The following DIP2C variants were observed in gnomAD, a reference collection of about 807,000 sequenced individuals.
DIP2C encodes the protein disco-interacting protein 2 homolog C.
Under a neutral mutation model 192.4 loss-of-function variants are expected in DIP2C, and 33 were observed. That is an observed-to-expected ratio of 0.17 (90% CI 0.13 to 0.23). The LOEUF (loss-of-function observed/expected upper bound fraction) is 0.23. Ranked by LOEUF, DIP2C falls within the 10% of genes least tolerant of loss-of-function variation. DIP2C has a pLI of 1.00. For missense variants in DIP2C, 1,537 were observed against 2,110.1 expected (o/e 0.73, Z 5.32); for synonymous variants, 979 against 864.1 (o/e 1.13, Z -2.33).
chr10:530,221 AAC>A (rs1184006193), intron 1 of DIP2C, among the ~76,000 whole-genome samples: 1 of 152,212 alleles, frequency 6.6e-6, no homozygotes, highest in Admixed American at 6.5e-5. Flanking sequence ...GTCAGCAACT[AAC>A]ACATTTCCCA....
At chr10:567,953 G>A (rs969738716) in intron 1 of DIP2C, among the ~76,000 whole-genome samples, 1 of 152,192 alleles carries the variant, frequency 6.6e-6, no homozygotes, top group Admixed American at 6.5e-5. Context: ...TAGAGGCTGA[G>A]GGGAGGCTCC....
At chr10:347,577 A>C (rs1958556876) in intron 26 of DIP2C, among the ~76,000 whole-genome samples, 1 of 137,578 alleles carries the variant, frequency 7.3e-6, no homozygotes, top group Non-Finnish European at 1.5e-5. Flanking sequence ...CCCCACACGC[A>C]CCCAGACACA....
intron 1 of DIP2C, among the ~76,000 whole-genome samples, chr10:601,174 T>C (rs149741522): frequency 2.5e-4 from 38 of 151,970 alleles, no homozygotes; most frequent in South Asian, 1.0e-3. Context: ...ACTGTAGAGG[T>C]TTTAATTATA....
At chr10:670,589 G>T (rs559862427) in intron 1 of DIP2C, among the ~76,000 whole-genome samples, 2 of 152,102 alleles carry the variant, frequency 1.3e-5, no homozygotes, top group African/African-American at 4.8e-5. Context: ...GCCAACATCG[G>T]CCTGGATTAA....
chr10:536,861 C>CA (rs1159073553), intron 1 of DIP2C, among the ~76,000 whole-genome samples: 2 of 152,226 alleles, frequency 1.3e-5, no homozygotes, highest in Non-Finnish European at 2.9e-5. Flanking sequence ...CTTGACCCCC[C>CA]AGTTCTGTGT....
At chr10:688,830 G>A (rs1408722253) in intron 1 of DIP2C, among the ~76,000 whole-genome samples, 1 of 152,234 alleles carries the variant, frequency 6.6e-6, no homozygotes. Context: ...GCCGGAGCCC[G>A]GCCCGGGGGG....
intron 3 of DIP2C, among the ~76,000 whole-genome samples, chr10:470,329 TG>T (rs1970528951): frequency 6.6e-6 from 1 of 152,202 alleles, no homozygotes; most frequent in Non-Finnish European, 1.5e-5. Flanking sequence ...CTTCTCACGT[TG>T]GGTCTAGCTT....
intron 1 of DIP2C, among the ~76,000 whole-genome samples, chr10:551,262 C>T (rs544313643): frequency 6.6e-6 from 1 of 152,336 alleles, no homozygotes; most frequent in East Asian, 1.9e-4. Flanking sequence ...CCCCCTCCTC[C>T]CCACAGCCCT....
At chr10:400,975 G>A (rs539376701) in intron 9 of DIP2C, among the ~76,000 whole-genome samples, 3 of 138,226 alleles carry the variant, frequency 2.2e-5, no homozygotes, top group African/African-American at 8.4e-5. Flanking sequence ...TCTTCCTTAT[G>A]GACAAGTTTG....
Position 636,646 on chromosome 10 carries a change from C to A in DIP2C, c.85+52848G>T, listed in dbSNP as rs1321075459. Among the ~76,000 whole-genome samples the A allele has an allele frequency of 1.3e-5, 2 of 152,200 alleles. No homozygotes were observed. Among genetic ancestry groups the A allele is most frequent in the African/African-American group, 4.8e-5 (2 of 41,434 alleles). On this transcript the variant is annotated intron_variant, in intron 1 of 36. Coordinates refer to ENST00000280886, the MANE Select transcript of DIP2C (RefSeq NM_014974.3). The surrounding 1 kb of genome is among the most constrained non-coding windows in gnomAD (Gnocchi z 4.6). ...CCCGAAAACGTCTTTTCTATCTGGG[C>A]CACACACTGCGCCGAGTGACTCTCC...
chr10:375,924 C>T (rs1246705706), intron 17 of DIP2C, among the ~76,000 whole-genome samples: 1 of 152,172 alleles, frequency 6.6e-6, no homozygotes, highest in Non-Finnish European at 1.5e-5. Context: ...CTCAGCTTAG[C>T]AACAACGGCA....
intron 32 of DIP2C, among the ~76,000 whole-genome samples, chr10:306,238 C>T (rs1446589617): frequency 6.6e-6 from 1 of 151,894 alleles, no homozygotes; most frequent in African/African-American, 2.4e-5. Context: ...TGCAGAAATG[C>T]TCTCCATGGT....
At chr10:679,720 ATCCGTCCTCCCCACG>A (rs1205221772) in intron 1 of DIP2C, among the ~76,000 whole-genome samples, 5 of 146,412 alleles carry the variant, frequency 3.4e-5, no homozygotes, top group Non-Finnish European at 6.0e-5. Flanking sequence ...TGCTCCCTGC[ATCCGTCCTCCCCACG>A]CCCATCTGTG....
intron 1 of DIP2C, among the ~76,000 whole-genome samples, chr10:555,014 A>C (rs1306556233): frequency 1.3e-5 from 2 of 152,202 alleles, no homozygotes; most frequent in Non-Finnish European, 2.9e-5. Flanking sequence ...CAAAGGGATT[A>C]GACTTCATAT....
In DIP2C at chr10:286,311, C is replaced by T; in HGVS notation, c.4081G>A (p.Glu1361Lys). Residue 1361 changes from glutamate (E) to lysine (K), a missense_variant, in exon 34 of 37, where the codon GAA becomes AAA. By Grantham distance (56) the Glu-to-Lys change is moderately conservative. Around this residue, in one of 4 missense-constraint regions of DIP2C, gnomAD observed 341 missense variants for 551.7 expected, o/e 0.62. Transcript: ENST00000280886. ...GAGTCCCCCAGCGGTCCTTTTGTTT[C>T]TGGGTTGGCAATTATAATCCGAACC... ...PGVRIIIANP[E>K]TKGPLGDSHL... The T allele has an allele frequency of 6.2e-7, 1 of 1,614,146 alleles. No homozygotes were observed. The highest frequency in any genetic ancestry group is 8.5e-7 in the Non-Finnish European group (1 of 1,180,010).
chr10:369,396 A>ACGGGAACG (rs368707271), intron 18 of DIP2C, 98 bp downstream of exon 18: 409 of 1,435,804 alleles, frequency 2.8e-4, no homozygotes, highest in African/African-American at 5.7e-4. Context: ...AGGGCACACC[A>ACGGGAACG]CGGGAACGCG....
intron 29 of DIP2C, among the ~76,000 whole-genome samples, chr10:336,538 A>T (rs1264863908): frequency 6.6e-6 from 1 of 152,234 alleles, no homozygotes; most frequent in African/African-American, 2.4e-5. Context: ...TGATGAGCAT[A>T]TACAATTATG....
At chr10:471,139 C>G (rs542185157) in intron 3 of DIP2C, among the ~76,000 whole-genome samples, 3 of 152,182 alleles carry the variant, frequency 2.0e-5, no homozygotes, top group Non-Finnish European at 4.4e-5. Flanking sequence ...TTCATTCCAT[C>G]CGCACACATT....
intron 15 of DIP2C, 61 bp from the exon 16 acceptor site, chr10:384,207 AAGAG>A (rs1229311954): frequency 1.4e-5 from 22 of 1,589,206 alleles, no homozygotes; most frequent in Non-Finnish European, 1.9e-5. Context: ...CCTATTGCAA[AAGAG>A]AGATCATTGT....
Sources: gnomAD v4.1 joint callset for allele counts (sites outside exome capture counted in the v4.1 genomes callset) on GRCh38, gnomAD v4.1.1 for gene constraint, gnomAD v4.1.1 regional missense constraint, Gnocchi (gnomAD v3.1) non-coding constraint, MANE v1.5 for transcripts, NCBI Gene and HGNC (gene_info 2026-07-23, HGNC 2026-07-21) for gene names.